Variants in FAM168B observed in about 807,000 individuals in gnomAD.
The protein encoded by FAM168B is family with sequence similarity 168 member B, also known as myelin-associated neurite-outgrowth inhibitor.
A neutral mutation model predicts 21.8 loss-of-function variants in FAM168B; 19 were observed. That is an observed-to-expected ratio of 0.87 (90% confidence interval 0.61 to 1.28). The LOEUF (loss-of-function observed/expected upper bound fraction) is 1.28, where lower values mean the gene tolerates loss of function less well. FAM168B is among the 50% of genes most tolerant of loss of function. The pLI is 0.00. For missense variants in FAM168B, 233 were observed against 263.1 expected, an observed-to-expected ratio of 0.89 and a Z score of 0.79; for synonymous variants, 126 against 104.8, an observed-to-expected ratio of 1.20 and a Z score of -1.24.
chr2:131,070,546 GTATT>G (rs944644606), intron 3 of FAM168B, among the ~76,000 whole-genome samples: 2 of 152,094 alleles, frequency 1.3e-5, no homozygotes, highest in African/African-American at 4.8e-5. Flanking sequence ...CAAATCCTCT[GTATT>G]TATTTACTCA....
In FAM168B at chr2:131,050,258, A is replaced by G. The variant is rs1325118273; in HGVS notation, c.*2207T>C. 2.0e-6 allele frequency: 2 copies of G among 985,298 alleles called. No individual in the cohort carries two copies. The highest frequency in any genetic ancestry group is 6.1e-5 in the Admixed American group (1 of 16,262). 61.0% of individuals were successfully genotyped at this position (985,298 alleles called of 1,614,324 possible). Reference sequence around the variant, plus strand: ...ACTCCAGCCCTCACAGGAGTTGTACATGTATGTTTCCATTTTGTTGTGTGG... The same window carrying G: ...ACTCCAGCCCTCACAGGAGTTGTACGTGTATGTTTCCATTTTGTTGTGTGG... On this transcript the variant is annotated 3_prime_UTR_variant, in exon 7 of 7. Transcript: ENST00000389915.
At chr2:131,090,650 G>C (rs544812560) in intron 1 of FAM168B, among the ~76,000 whole-genome samples, 2 of 151,910 alleles carry the variant, frequency 1.3e-5, no homozygotes, top group South Asian at 4.2e-4. Context: ...AGGACTGCTT[G>C]AGCCCAGAAG....
chr2:131,058,355 A>G (rs952072866), intron 3 of FAM168B, among the ~76,000 whole-genome samples: 3 of 152,056 alleles, frequency 2.0e-5, no homozygotes, highest in African/African-American at 4.8e-5. Context: ...ACTCCCCTGC[A>G]TGCCCTTTCA....
chr2:131,057,379 G>A (rs915056448), intron 3 of FAM168B, among the ~76,000 whole-genome samples: 12 of 152,166 alleles, frequency 7.9e-5, no homozygotes, highest in Non-Finnish European at 1.6e-4. Flanking sequence ...ACAACATGCT[G>A]AGCTTTCCAA....
chr2:131,081,437 G>C (rs943137757), intron 2 of FAM168B, among the ~76,000 whole-genome samples: 3 of 152,208 alleles, frequency 2.0e-5, no homozygotes, highest in Non-Finnish European at 4.4e-5. Context: ...ACCAAGCCTG[G>C]AGACTATTTT....
At chr2:131,076,047 A>G (rs950854938) in intron 2 of FAM168B, among the ~76,000 whole-genome samples, 2 of 151,754 alleles carry the variant, frequency 1.3e-5, no homozygotes, top group African/African-American at 2.4e-5. Flanking sequence ...ACTATCTCCA[A>G]TGGTTTCTAC....
In FAM168B at chr2:131,053,117, A is replaced by G. The variant is rs1691793814; in HGVS notation, c.476-102T>C. 3.5e-6 allele frequency: 5 copies of G among 1,412,806 alleles called. No individual in the cohort carries two copies. In the South Asian group the frequency reaches 4.5e-5, roughly 13 times the overall value. 87.5% of individuals were successfully genotyped at this position (1,412,806 alleles called of 1,614,324 possible). ...GGCCTCTTTGCAAGGAGGAGGGTAT[A>G]CAGGAAGAGGGATAGTCTTGACCCA... On this transcript the variant is annotated intron_variant, in intron 5 of 6. Transcript: ENST00000389915.
rs539456208 is a variant in FAM168B, at chr2:131,050,019, G to A, written c.*2446C>T. 1.2e-5 allele frequency: 12 copies of A among 985,448 alleles called. No homozygotes were observed. Among genetic ancestry groups the A allele is most frequent in the Middle Eastern group, 5.2e-4 (1 of 1,914 alleles). 61.0% of individuals were successfully genotyped at this position (985,448 alleles called of 1,614,324 possible). ...TTCAAAGTCAGAAAGATTTCTGCAC[G>A]GATGTGCAATGCAAACTTATTTCAT... On this transcript the variant is annotated 3_prime_UTR_variant, in exon 7 of 7. Transcript: ENST00000389915.
intron 2 of FAM168B, among the ~76,000 whole-genome samples, chr2:131,075,450 GAA>G (rs958225774): frequency 4.0e-5 from 6 of 151,816 alleles, no homozygotes; most frequent in Admixed American, 1.3e-4. Context: ...AACGGTCCCT[GAA>G]AAACTACTGT....
rs1379769887 is a variant in FAM168B at position 131,055,334 on chromosome 2, G to T, written c.413C>A (p.Pro138His). Reference protein sequence around the residue: ...PATVYPAPIPPPRGNGVTMGM... With the variant: ...PATVYPAPIPHPRGNGVTMGM... ...CATGGTGACCCCGTTGCCTCTAGGA[G>T]GGGGGATGGGAGCAGGGTACACCGT... Residue 138 changes from proline (P) to histidine (H), a missense_variant, in exon 5 of 7, where the codon CCT (proline) becomes CAT (histidine). Transcript: ENST00000389915. The T allele has an allele frequency of 1.9e-6, 3 of 1,584,048 alleles. No individual in the cohort carries two copies. Among genetic ancestry groups the T allele is most frequent in the Non-Finnish European group, 2.6e-6 (3 of 1,170,930 alleles).
At chr2:131,057,835 T>TA (rs1162146268) in intron 3 of FAM168B, among the ~76,000 whole-genome samples, 4 of 152,176 alleles carry the variant, frequency 2.6e-5, no homozygotes, top group African/African-American at 7.2e-5. Context: ...ATTTTTTTTT[T>TA]ATTTTTATTT....
At chr2:131,091,047 A>G (rs1423640179) in intron 1 of FAM168B, among the ~76,000 whole-genome samples, 1 of 152,220 alleles carries the variant, frequency 6.6e-6, no homozygotes, top group Non-Finnish European at 1.5e-5. Flanking sequence ...TATTTTTAAA[A>G]AAGAAGCTGG....
At position 131,059,987 on chromosome 2, in the gene FAM168B, C is replaced by T. The variant is rs181020916; in HGVS notation, c.155-4292G>A. On this transcript the variant is annotated intron_variant, in intron 3 of 6. Coordinates refer to ENST00000389915, the MANE Select transcript of FAM168B (RefSeq NM_001009993.4). ...TGATGTGTAGGTGGGAAGTATATTC[C>T]CATGTACTTGTGCTTAAGCCAGGTG... 5.9e-4 allele frequency among the ~76,000 whole-genome samples: 89 copies of T among 151,834 alleles called. 1 individual carries two copies. The highest frequency in any genetic ancestry group is 1.5e-5 in the Non-Finnish European group (1 of 67,972).
intron 3 of FAM168B, among the ~76,000 whole-genome samples, chr2:131,065,074 G>A (rs1002998006): frequency 1.3e-5 from 2 of 152,202 alleles, no homozygotes; most frequent in Admixed American, 6.5e-5. Context: ...CACAATAATA[G>A]AACTGTGAAG....
chr2:131,071,730 AACT>A, intron 3 of FAM168B, 122 bp downstream of exon 3: 2 of 784,060 alleles, frequency 2.6e-6, no homozygotes, highest in Middle Eastern at 2.3e-4. Flanking sequence ...TCAACAGGCT[AACT>A]TAATGAACTT....
At chr2:131,083,979 C>T (rs1240159856) in intron 1 of FAM168B, among the ~76,000 whole-genome samples, 1 of 152,094 alleles carries the variant, frequency 6.6e-6, no homozygotes, top group Admixed American at 6.6e-5. Context: ...TCTCAGCTCA[C>T]TGCAACTTTG....
chr2:131,049,966 C>T lies in FAM168B; in HGVS notation c.*2499G>A, dbSNP rs958109406. On this transcript the variant is annotated 3_prime_UTR_variant, in exon 7 of 7. Transcript: ENST00000389915. ...AGATTCTTACCTGATATCTACCTTT[C>T]GTATCTGACAGCTGACGTCCTAAAA... 2 of 985,366 alleles carry T rather than the reference C, an allele frequency of 2.0e-6. No individual in the cohort carries two copies. The highest frequency in any genetic ancestry group is 1.1e-4 in the East Asian group (1 of 8,830). 61.0% of individuals were successfully genotyped at this position (985,366 alleles called of 1,614,324 possible). A position where few individuals can be genotyped will look rare whatever the true frequency, so the allele number is the denominator to read the frequency against.
intron 2 of FAM168B, among the ~76,000 whole-genome samples, chr2:131,077,714 G>A (rs1215631797): frequency 6.6e-6 from 1 of 152,174 alleles, no homozygotes; most frequent in Non-Finnish European, 1.5e-5. Flanking sequence ...ATGGGTTTTG[G>A]TGATCTTGAA....
At chr2:131,055,167 A>T in intron 5 of FAM168B, 105 bp downstream of exon 5, 1 of 1,134,682 alleles carries the variant, frequency 8.8e-7, no homozygotes, top group Non-Finnish European at 1.2e-6. Context: ...CCACACAACT[A>T]CAGCTATGAA....
Sources: gnomAD v4.1 joint callset for allele counts (sites outside exome capture counted in the v4.1 genomes callset) on GRCh38, gnomAD v4.1.1 for gene constraint, MANE v1.5 for transcripts, NCBI Gene and HGNC (gene_info 2026-07-23, HGNC 2026-07-21) for gene names.